The following ERO1B variants were observed in gnomAD, a reference collection of about 807,000 sequenced individuals.
The protein encoded by ERO1B is ERO1-like protein beta.
A neutral mutation model predicts 75.3 loss-of-function variants in ERO1B; 49 were observed. That is an observed-to-expected ratio of 0.65 (90% CI 0.52 to 0.83). The LOEUF (loss-of-function observed/expected upper bound fraction) is 0.83. Among genes scored for constraint, ERO1B ranks in the 40% least tolerant of loss-of-function variants. The pLI, the probability that ERO1B is intolerant of heterozygous loss-of-function variation, is 0.00. For synonymous variants in ERO1B, 191 were observed against 192.9 expected (o/e 0.99, Z 0.08); for missense variants, 512 against 560.1 (o/e 0.91, Z 0.87).
chr1:236,277,178 C>G (rs188273706), intron 1 of ERO1B, among the ~76,000 whole-genome samples: 42 of 152,256 alleles, frequency 2.8e-4, no homozygotes, highest in African/African-American at 9.1e-4. Context: ...CCAAGGCAGG[C>G]AGATCACTTG....
Position 236,243,500 on chromosome 1 carries a change from G to A in ERO1B, c.432-5C>T, listed in dbSNP as rs1339466620. On this transcript the variant is annotated splice_polypyrimidine_tract_variant and splice_region_variant and intron_variant, in intron 5 of 15. Transcript: ENST00000354619. ...AAAGCTTCTTTGCTTTGATTACTATGGGAAGGAGGAATAAAAAAGAAAAAT... is the reference window on the plus strand; with the variant it reads ...AAAGCTTCTTTGCTTTGATTACTATAGGAAGGAGGAATAAAAAAGAAAAAT... 3 of 1,586,214 alleles carry A rather than the reference G, an allele frequency of 1.9e-6. No individual in the cohort carries two copies. The highest frequency in any genetic ancestry group is 2.3e-5 in the East Asian group (1 of 44,140).
chr1:236,218,551 G>T lies in ERO1B; in HGVS notation c.1369C>A (p.Gln457Lys), dbSNP rs1664055812. ...TGTTGTAATAAGACTTTAAAATTCT[G>T]TAAGTCTCTTATACTTGTAGAAAGC... ...GRLSTSIRDL[Q>K]NFKVLLQHSR The change falls in exon 16 of 16, where the codon CAG becomes AAG. Residue 457 changes from glutamine to lysine, a missense_variant. Coordinates refer to ENST00000354619, the MANE Select transcript of ERO1B (RefSeq NM_019891.4). 2 of 1,404,722 alleles carry T rather than the reference G, an allele frequency of 1.4e-6. No individual in the cohort carries two copies. The highest frequency in any genetic ancestry group is 3.0e-5 in the African/African-American group (2 of 67,516). The allele number at this position is 1,404,722 out of a possible 1,614,324, so 87.0% of individuals were successfully genotyped here.
chr1:236,267,106 A>G (rs1665461838), intron 2 of ERO1B, among the ~76,000 whole-genome samples: 1 of 152,224 alleles, frequency 6.6e-6, no homozygotes, highest in Non-Finnish European at 1.5e-5. Context: ...CCAACAGGTC[A>G]TATGACCGTA....
intron 5 of ERO1B, 30 bp from the exon 6 acceptor site, chr1:236,243,525 T>A (rs762527609): frequency 6.7e-7 from 1 of 1,492,126 alleles, no homozygotes; most frequent in Middle Eastern, 2.1e-4. Context: ...AAAAGAAAAA[T>A]TATTAAATTT....
chr1:236,223,885 T>C (rs991875829), intron 13 of ERO1B, among the ~76,000 whole-genome samples: 1 of 152,170 alleles, frequency 6.6e-6, no homozygotes, highest in Non-Finnish European at 1.5e-5. Context: ...CACTAAAATA[T>C]AGTTGTGACT....
chr1:236,233,428 C>A (rs879306541), intron 8 of ERO1B, among the ~76,000 whole-genome samples: 2 of 151,204 alleles, frequency 1.3e-5, no homozygotes, highest in Admixed American at 6.6e-5. Flanking sequence ...GAAACCCCAT[C>A]TCTACTAAAA....
chr1:236,274,846 G>C (rs2102967595), intron 1 of ERO1B, among the ~76,000 whole-genome samples: 1 of 152,280 alleles, frequency 6.6e-6, no homozygotes, highest in South Asian at 2.1e-4. Flanking sequence ...ATGTCAGATG[G>C]TAATAAAGTG....
rs376568613 is a variant in ERO1B, at chr1:236,225,142, G to C, written c.1053-3C>G. 8.8e-5 allele frequency: 142 copies of C among 1,613,490 alleles called. No individual in the cohort carries two copies. The highest frequency in any genetic ancestry group is 1.2e-4 in the Non-Finnish European group (139 of 1,179,588). On this transcript the variant is annotated splice_polypyrimidine_tract_variant and splice_region_variant and intron_variant, in intron 12 of 15. Coordinates refer to ENST00000354619, the MANE Select transcript of ERO1B (RefSeq NM_019891.4). ...CATCAAAGTGCATGGGAAAGGACCTGATAAAATGATAGTATTGGATTAAGT... is the reference window on the plus strand; with the variant it reads ...CATCAAAGTGCATGGGAAAGGACCTCATAAAATGATAGTATTGGATTAAGT...
At chr1:236,236,745 G>A (rs1477222086) in intron 6 of ERO1B, among the ~76,000 whole-genome samples, 3 of 152,104 alleles carry the variant, frequency 2.0e-5, no homozygotes, top group Non-Finnish European at 2.9e-5. Context: ...ATCATAACCT[G>A]CTTTAATATT....
At chr1:236,240,267 G>A (rs1382824262) in intron 6 of ERO1B, among the ~76,000 whole-genome samples, 2 of 151,938 alleles carry the variant, frequency 1.3e-5, no homozygotes, top group African/African-American at 4.8e-5. Context: ...ATAGAGTTAT[G>A]AGGTCATACC....
chr1:236,238,722 T>A (rs1664605885), intron 6 of ERO1B, among the ~76,000 whole-genome samples: 1 of 151,664 alleles, frequency 6.6e-6, no homozygotes, highest in Non-Finnish European at 1.5e-5. Context: ...ACATATATAT[T>A]ATATATTTAT....
intron 1 of ERO1B, among the ~76,000 whole-genome samples, chr1:236,272,745 T>C (rs947470857): frequency 6.6e-6 from 1 of 152,248 alleles, no homozygotes; most frequent in Non-Finnish European, 1.5e-5. Context: ...GTTTTTGTTA[T>C]CAGTTTTTCC....
rs1664369561 is a variant in ERO1B, at chr1:236,230,180, A to T, written c.712+44T>A. The T allele has an allele frequency of 6.1e-6, 9 of 1,476,562 alleles. No individual in the cohort carries two copies. In the East Asian group the frequency reaches 2.1e-4, roughly 34 times the overall value. 91.5% of individuals were successfully genotyped at this position (1,476,562 alleles called of 1,614,324 possible). ...ACAAAAATATGCTAAATAAATCAGTATTTTTTAACAAAAAATCCAATAAAT... is the reference window on the plus strand; with the variant it reads ...ACAAAAATATGCTAAATAAATCAGTTTTTTTTAACAAAAAATCCAATAAAT... On this transcript the variant is annotated intron_variant, in intron 10 of 15. Coordinates refer to ENST00000354619, the MANE Select transcript of ERO1B (RefSeq NM_019891.4).
chr1:236,245,077 C>T (rs1218685514), intron 5 of ERO1B, among the ~76,000 whole-genome samples: 1 of 151,376 alleles, frequency 6.6e-6, no homozygotes, highest in Non-Finnish European at 1.5e-5. Flanking sequence ...TAGCCTTGAC[C>T]TTCTGGGATC....
chr1:236,248,098 G>A (rs535778066), intron 5 of ERO1B, among the ~76,000 whole-genome samples: 2 of 152,126 alleles, frequency 1.3e-5, no homozygotes, highest in South Asian at 2.1e-4. Flanking sequence ...GCACGAGGGC[G>A]GAAATTTTAT....
At chr1:236,223,105 GGAA>G (rs745343754) in intron 13 of ERO1B, among the ~76,000 whole-genome samples, 4 of 151,056 alleles carry the variant, frequency 2.6e-5, no homozygotes, top group East Asian at 3.9e-4. Context: ...GGGAGGCTGA[GGAA>G]GAAGAATAGC....
At chr1:236,231,801 T>C (rs1042990885) in intron 9 of ERO1B, among the ~76,000 whole-genome samples, 1 of 152,172 alleles carries the variant, frequency 6.6e-6, no homozygotes, top group Non-Finnish European at 1.5e-5. Flanking sequence ...TCATTCAACA[T>C]ATAGTAAGGA....
chr1:236,249,533 A>G (rs1305033197), intron 5 of ERO1B, among the ~76,000 whole-genome samples: 1 of 152,190 alleles, frequency 6.6e-6, no homozygotes, highest in Admixed American at 6.5e-5. Context: ...TTATCATTCA[A>G]AATGTAACAT....
chr1:236,251,517 G>C, intron 4 of ERO1B: 1 of 942,036 alleles, frequency 1.1e-6, no homozygotes. Flanking sequence ...ACAAGAAGGA[G>C]ACAGAGAGAG....
Sources: allele counts gnomAD v4.1 joint callset (sites outside exome capture counted in the v4.1 genomes callset), GRCh38; gene constraint gnomAD v4.1.1; transcripts MANE v1.5; gene names NCBI Gene and HGNC (gene_info 2026-07-23, HGNC 2026-07-21).